Variants in ADGRB3 observed in about 807,000 individuals in gnomAD.
ADGRB3 encodes adhesion G protein-coupled receptor B3, also known as brain-specific angiogenesis inhibitor 3.
Under a neutral mutation model 193.4 loss-of-function variants are expected in ADGRB3, and 37 were observed. The observed-to-expected ratio is 0.19, with a 90% CI of 0.15 to 0.25. The LOEUF is 0.25. Among genes scored for constraint, ADGRB3 ranks in the 10% least tolerant of loss-of-function variants. ADGRB3 has a pLI of 1.00. For synonymous variants in ADGRB3, 690 were observed against 644.2 expected (o/e 1.07, Z -1.08); for missense variants, 1,637 against 1,852.9 (o/e 0.88, Z 2.14).
chr6:69,090,619 G>A (rs1265741490), intron 17 of ADGRB3, among the ~76,000 whole-genome samples: 3 of 152,172 alleles, frequency 2.0e-5, no homozygotes, highest in African/African-American at 7.2e-5. Flanking sequence ...AGTGAACAAG[G>A]TATAGGACTT....
chr6:68,856,296 G>T (rs1372242085), intron 3 of ADGRB3, among the ~76,000 whole-genome samples: 1 of 152,210 alleles, frequency 6.6e-6, no homozygotes, highest in African/African-American at 2.4e-5. Flanking sequence ...ATGTGGAAGT[G>T]ACTTTGGAAC....
intron 3 of ADGRB3, among the ~76,000 whole-genome samples, chr6:68,766,865 A>C (rs953329153): frequency 1.3e-5 from 2 of 152,026 alleles, no homozygotes; most frequent in African/African-American, 2.4e-5. Flanking sequence ...AGTTATGTAG[A>C]GATTAAATCA....
intron 17 of ADGRB3, among the ~76,000 whole-genome samples, chr6:69,126,158 T>G (rs1194458556): frequency 6.6e-6 from 1 of 152,170 alleles, no homozygotes; most frequent in African/African-American, 2.4e-5. Context: ...AGAAATTCCC[T>G]TCCTTCTTGT....
intron 13 of ADGRB3, among the ~76,000 whole-genome samples, chr6:69,032,715 T>G (rs1770748361): frequency 6.6e-6 from 1 of 152,190 alleles, no homozygotes; most frequent in Non-Finnish European, 1.5e-5. Context: ...CATGTGAATT[T>G]GAAAACTAAA....
At chr6:69,281,799 A>G (rs903743682) in intron 20 of ADGRB3, among the ~76,000 whole-genome samples, 2 of 152,222 alleles carry the variant, frequency 1.3e-5, no homozygotes, top group East Asian at 1.9e-4. Context: ...TTGAAATTAC[A>G]TAATAGATAG....
chr6:69,290,753 C>A (rs1452110657), intron 20 of ADGRB3, among the ~76,000 whole-genome samples: 1 of 152,132 alleles, frequency 6.6e-6, no homozygotes, highest in East Asian at 1.9e-4. Context: ...ATATGTCTAT[C>A]ATATATAGCA....
intron 3 of ADGRB3, among the ~76,000 whole-genome samples, chr6:68,674,894 G>C (rs1408920296): frequency 1.3e-5 from 2 of 152,176 alleles, no homozygotes; most frequent in African/African-American, 4.8e-5. Context: ...TGGGAGAGCA[G>C]AGGAACATAC....
At chr6:68,915,200 A>G (rs1766841493) in intron 3 of ADGRB3, among the ~76,000 whole-genome samples, 1 of 152,212 alleles carries the variant, frequency 6.6e-6, no homozygotes, top group African/African-American at 2.4e-5. Context: ...GATCCAGCAC[A>G]TATTAGCTAC....
intron 13 of ADGRB3, among the ~76,000 whole-genome samples, chr6:69,039,201 A>C (rs781686192): frequency 7.1e-4 from 108 of 152,214 alleles, no homozygotes; most frequent in Non-Finnish European, 3.8e-4. Flanking sequence ...GAGAAAGAAC[A>C]AAGTACTTAT....
At chr6:68,950,540 T>C (rs1190267235) in intron 6 of ADGRB3, among the ~76,000 whole-genome samples, 1 of 152,190 alleles carries the variant, frequency 6.6e-6, no homozygotes, top group East Asian at 1.9e-4. Flanking sequence ...AAATTTAACC[T>C]CAAAAAGATA....
In ADGRB3 at chr6:69,040,959, G is replaced by A. The variant is rs114933718; in HGVS notation, c.2108-7226G>A. ...AAAATTAAGTATAAACTCCTAAGGT[G>A]AAGAATGTTTCCCATCTAAAGCTCT... On this transcript the variant is annotated intron_variant, in intron 13 of 31. Transcript: ENST00000370598. Among the ~76,000 whole-genome samples the A allele has an allele frequency of 3.4e-3, 519 of 152,254 alleles. 1 individual carries two copies. Among genetic ancestry groups the A allele is most frequent in the African/African-American group, 0.012 (482 of 41,550 alleles).
In ADGRB3 at chr6:68,872,577, G is replaced by T. The variant is rs545848891; in HGVS notation, c.758-57982G>T. Among the ~76,000 whole-genome samples, 5 of 152,196 alleles carry T rather than the reference G, an allele frequency of 3.3e-5. No individual in the cohort carries two copies. In the South Asian group the frequency reaches 8.3e-4, roughly 25 times the overall value. On this transcript the variant is annotated intron_variant, in intron 3 of 31. Coordinates refer to ENST00000370598, the MANE Select transcript of ADGRB3 (RefSeq NM_001704.3). ...TATTAAATTCTCCAGATGAGAGTTT[G>T]CCAGGATTTAATGTTTGTATGCAGT... is the stretch of plus-strand genomic sequence containing the variant.
intron 20 of ADGRB3, among the ~76,000 whole-genome samples, chr6:69,302,266 A>G (rs944404704): frequency 6.6e-6 from 1 of 152,024 alleles, no homozygotes; most frequent in Non-Finnish European, 1.5e-5. Context: ...AGTTAGGTTT[A>G]TGATCAGGAC....
intron 30 of ADGRB3, among the ~76,000 whole-genome samples, chr6:69,379,877 C>T (rs774351080): frequency 6.6e-6 from 1 of 151,980 alleles, no homozygotes; most frequent in Non-Finnish European, 1.5e-5. Context: ...TTTCAGCATA[C>T]AAATTTTTCA....
At chr6:68,646,065 A>G (rs916906289) in intron 3 of ADGRB3, among the ~76,000 whole-genome samples, 3 of 152,200 alleles carry the variant, frequency 2.0e-5, no homozygotes, top group African/African-American at 7.2e-5. Flanking sequence ...TTTCAGACAT[A>G]TCTATATTCT....
At position 69,048,187 on chromosome 6, in the gene ADGRB3, GC is replaced by G. The variant is rs1260451333; in HGVS notation, c.2111del (p.Ala704ValfsTer12). ...AATTATTATTTCTTTTTTAATAGTG[GC>G]TAGTATTCAGAAGCTTCCTGCAGCC... ...NSYLMTGNVV[A>X]SIQKLPAASV... On this transcript the variant is annotated frameshift_variant, in exon 14 of 32. Transcript: ENST00000370598. LOFTEE classifies it high-confidence loss of function. 6.2e-7 allele frequency: 1 copy of G among 1,608,822 alleles called. No homozygotes were observed. The highest frequency in any genetic ancestry group is 8.5e-7 in the Non-Finnish European group (1 of 1,178,256).
rs146095648 is a variant in ADGRB3, at chr6:69,183,150, T to C, written c.2481-50140T>C. ...ATTATTTAATTTTTACATTTTTTTC[T>C]AATATATGCACTCTACTTTTCACCA... On this transcript the variant is annotated intron_variant, in intron 17 of 31. Transcript: ENST00000370598. Among the ~76,000 whole-genome samples, 114 of 152,250 alleles carry C rather than the reference T, an allele frequency of 7.5e-4. No homozygotes were observed. The South Asian group carries it at 7.9e-3, about 11-fold the overall frequency.
chr6:69,381,013 C>T (rs937082025), intron 30 of ADGRB3, among the ~76,000 whole-genome samples: 1 of 151,866 alleles, frequency 6.6e-6, no homozygotes, highest in African/African-American at 2.4e-5. Context: ...ACCCAGTCTT[C>T]TAACTACAAT....
chr6:69,065,316 T>A (rs1771869682), intron 16 of ADGRB3, among the ~76,000 whole-genome samples: 1 of 152,160 alleles, frequency 6.6e-6, no homozygotes, highest in African/African-American at 2.4e-5. Context: ...CTGCCCGCCG[T>A]GCACATCGTG....
Sources: gnomAD v4.1 joint callset for allele counts (sites outside exome capture counted in the v4.1 genomes callset) on GRCh38, gnomAD v4.1.1 for gene constraint, MANE v1.5 for transcripts, NCBI Gene and HGNC (gene_info 2026-07-23, HGNC 2026-07-21) for gene names.